RAB3GAP1: variants seen among roughly 807,000 people sequenced by gnomAD.
RAB3GAP1 encodes rab3 GTPase-activating protein catalytic subunit.
In RAB3GAP1, 86 loss-of-function variants were observed where a neutral mutation model predicts 130.7. The ratio of observed to expected loss-of-function variants is 0.66; its 90% CI spans 0.55 to 0.79. RAB3GAP1 has a LOEUF of 0.79. Among genes scored for constraint, RAB3GAP1 ranks in the 30% least tolerant of loss-of-function variants. The pLI, the probability that RAB3GAP1 is intolerant of heterozygous loss-of-function variation, is 0.00. For missense variants in RAB3GAP1, 1,029 were observed against 1,169.4 expected, an observed-to-expected ratio of 0.88 and a Z score of 1.75; for synonymous variants, 367 against 401.7, an observed-to-expected ratio of 0.91 and a Z score of 1.03.
downstream of RAB3GAP1, among the ~76,000 whole-genome samples, chr2:135,171,146 G>GTCTATTTGGGGGGCAGCCAACATT (rs1692840315): frequency 6.6e-6 from 1 of 152,000 alleles, no homozygotes; most frequent in African/African-American, 2.4e-5. Flanking sequence ...AAGGGAAAAT[G>GTCTATTTGGGGGGCAGCCAACATT]TCTATTTGGG....
At chr2:135,163,205 A>G (rs1027567117) in intron 22 of RAB3GAP1, 104 bp downstream of exon 22, 3 of 806,600 alleles carry the variant, frequency 3.7e-6, no homozygotes, top group African/African-American at 3.4e-5. Context: ...TGGTAATCAT[A>G]TATTATTTGA....
intron 5 of RAB3GAP1, among the ~76,000 whole-genome samples, chr2:135,104,252 TACAA>T (rs1007884726): frequency 3.3e-5 from 5 of 152,102 alleles, no homozygotes; most frequent in African/African-American, 1.2e-4. Flanking sequence ...AGTTATGAAA[TACAA>T]ACAAATTGAA....
At chr2:135,139,547 TAA>T (rs879738066) in intron 17 of RAB3GAP1, among the ~76,000 whole-genome samples, 4 of 140,404 alleles carry the variant, frequency 2.8e-5, no homozygotes, top group African/African-American at 7.9e-5. Flanking sequence ...TCTCAAAAAT[TAA>T]AAAAAAAAAA....
At chr2:135,060,538 G>T (rs551472329) in intron 3 of RAB3GAP1, among the ~76,000 whole-genome samples, 1 of 151,864 alleles carries the variant, frequency 6.6e-6, no homozygotes, top group Non-Finnish European at 1.5e-5. Context: ...GGGATTACAG[G>T]TGTGAGCCAC....
intron 5 of RAB3GAP1, among the ~76,000 whole-genome samples, chr2:135,101,599 C>A (rs1421144683): frequency 6.6e-6 from 1 of 152,132 alleles, no homozygotes; most frequent in Non-Finnish European, 1.5e-5. Flanking sequence ...CTTCTCGTTT[C>A]AGTTTTCATA....
At chr2:135,143,960 T>G (rs1033481166) in intron 17 of RAB3GAP1, among the ~76,000 whole-genome samples, 5 of 152,214 alleles carry the variant, frequency 3.3e-5, no homozygotes, top group African/African-American at 1.2e-4. Context: ...CATTTTATCT[T>G]TTTGCATAGT....
chr2:135,162,286 G>T (rs1692484365), intron 19 of RAB3GAP1: 1 of 399,606 alleles, frequency 2.5e-6, no homozygotes, highest in Non-Finnish European at 4.6e-6. Context: ...ATTGTAATCA[G>T]TCGGTAGTTT....
chr2:135,071,168 AC>A (rs1354018228), intron 3 of RAB3GAP1, among the ~76,000 whole-genome samples: 1 of 152,060 alleles, frequency 6.6e-6, no homozygotes, highest in African/African-American at 2.4e-5. Flanking sequence ...CTACCATCTT[AC>A]CCTTTTTCAT....
At chr2:135,097,033 G>A (rs1019623667) in intron 5 of RAB3GAP1, among the ~76,000 whole-genome samples, 2 of 151,840 alleles carry the variant, frequency 1.3e-5, no homozygotes, top group Non-Finnish European at 2.9e-5. Context: ...TAAAATCAAC[G>A]TAGTAAAATT....
At chr2:135,151,703 G>T (rs1027287554) in intron 18 of RAB3GAP1, among the ~76,000 whole-genome samples, 3 of 152,128 alleles carry the variant, frequency 2.0e-5, no homozygotes, top group African/African-American at 7.2e-5. Flanking sequence ...TTGGCTCTTG[G>T]GGCACATGTC....
downstream of RAB3GAP1, among the ~76,000 whole-genome samples, chr2:135,173,848 G>T (rs1692931579): frequency 6.6e-6 from 1 of 152,116 alleles, no homozygotes; most frequent in Non-Finnish European, 1.5e-5. Flanking sequence ...GGGTGGGTGG[G>T]TGGATGGATG....
chr2:135,147,723 C>T (rs1692043537), intron 17 of RAB3GAP1, among the ~76,000 whole-genome samples: 1 of 151,606 alleles, frequency 6.6e-6, no homozygotes, highest in African/African-American at 2.4e-5. Context: ...AGCGGTCCTC[C>T]CACCTCAGCT....
intron 22 of RAB3GAP1, among the ~76,000 whole-genome samples, chr2:135,163,493 C>G (rs940050376): frequency 6.6e-6 from 1 of 152,208 alleles, no homozygotes; most frequent in Non-Finnish European, 1.5e-5. Flanking sequence ...TTTCTGCTTA[C>G]TGTTCCTAGT....
chr2:135,111,061 A>G (rs1197827611), intron 5 of RAB3GAP1, among the ~76,000 whole-genome samples: 2 of 152,210 alleles, frequency 1.3e-5, no homozygotes, highest in Non-Finnish European at 2.9e-5. Flanking sequence ...CTGCCTCTGC[A>G]TAACTAATTT....
At chr2:135,129,641 T>C (rs1558790419) in intron 11 of RAB3GAP1, among the ~76,000 whole-genome samples, 1 of 152,086 alleles carries the variant, frequency 6.6e-6, no homozygotes, top group Non-Finnish European at 1.5e-5. Flanking sequence ...TGGGGAAAGA[T>C]TACTACATAC....
chr2:135,104,591 G>C (rs1490482903), intron 5 of RAB3GAP1, among the ~76,000 whole-genome samples: 4 of 152,118 alleles, frequency 2.6e-5, no homozygotes, highest in African/African-American at 9.7e-5. Context: ...GGTGGCTCAT[G>C]CCTGTAATGC....
intron 3 of RAB3GAP1, among the ~76,000 whole-genome samples, chr2:135,067,909 A>T (rs1689365947): frequency 6.6e-6 from 1 of 151,100 alleles, no homozygotes; most frequent in African/African-American, 2.4e-5. Flanking sequence ...TGGTTAAATA[A>T]TTTTTTTTTC....
intron 3 of RAB3GAP1, among the ~76,000 whole-genome samples, chr2:135,085,035 G>A (rs976683696): frequency 9.2e-5 from 14 of 152,120 alleles, no homozygotes; most frequent in South Asian, 2.1e-4. Flanking sequence ...TATAAAGAAA[G>A]CACACCTCTG....
At chr2:135,147,445 T>C (rs1330406243) in intron 17 of RAB3GAP1, among the ~76,000 whole-genome samples, 1 of 152,072 alleles carries the variant, frequency 6.6e-6, no homozygotes, top group Non-Finnish European at 1.5e-5. Flanking sequence ...ATCTGTTTAA[T>C]AAATAAATAA....
Sources: gnomAD v4.1 joint callset for allele counts (sites outside exome capture counted in the v4.1 genomes callset) on GRCh38, gnomAD v4.1.1 for gene constraint, MANE v1.5 for transcripts, NCBI Gene and HGNC (gene_info 2026-07-23, HGNC 2026-07-21) for gene names.